The following STK38 variants were observed in gnomAD, a reference collection of about 807,000 sequenced individuals.
STK38 encodes the protein serine/threonine-protein kinase 38.
In STK38, 26 loss-of-function variants were observed where a neutral mutation model predicts 59.0. The ratio of observed to expected loss-of-function variants is 0.44; its 90% CI spans 0.32 to 0.61. The LOEUF (loss-of-function observed/expected upper bound fraction) is 0.61, where lower values mean the gene tolerates loss of function less well. Among genes scored for constraint, STK38 ranks in the 20% least tolerant of loss-of-function variants. The pLI, the probability that STK38 is intolerant of heterozygous loss-of-function variation, is 0.04. For missense variants in STK38, 433 were observed against 566.0 expected (o/e 0.76, Z 2.38); for synonymous variants, 175 against 176.6 (o/e 0.99, Z 0.07).
intron 9 of STK38, among the ~76,000 whole-genome samples, chr6:36,504,730 C>T (rs997021365): frequency 1.3e-5 from 2 of 151,838 alleles, no homozygotes; most frequent in Admixed American, 1.3e-4. Flanking sequence ...TGTGAAATTG[C>T]TTTCCTTATA....
intron 2 of STK38, among the ~76,000 whole-genome samples, chr6:36,534,673 T>G (rs559118855): frequency 1.3e-5 from 2 of 151,900 alleles, no homozygotes; most frequent in Non-Finnish European, 2.9e-5. Context: ...ATAAAAAAAT[T>G]TTTTAACCCA....
At position 36,494,583 on chromosome 6, in the gene STK38, G is replaced by A. The variant is rs1483387794; in HGVS notation, c.*1201C>T. 6.6e-6 allele frequency: 1 copy of A among 152,654 alleles called. No individual in the cohort carries two copies. The highest frequency in any genetic ancestry group is 1.5e-5 in the Non-Finnish European group (1 of 68,036). The allele number at this position is 152,654 out of a possible 1,614,324, so 9.5% of individuals were successfully genotyped here. ...ACGCCACAGCAGAGAGACCCAATCCGCCTAAGTTGCAGGCGACCCTTTAGG... is the reference window on the plus strand; with the variant it reads ...ACGCCACAGCAGAGAGACCCAATCCACCTAAGTTGCAGGCGACCCTTTAGG... On this transcript the variant is annotated 3_prime_UTR_variant, in exon 14 of 14. Transcript: ENST00000229812.
intron 1 of STK38, among the ~76,000 whole-genome samples, chr6:36,543,286 C>T (rs1026903737): frequency 2.6e-5 from 4 of 151,952 alleles, no homozygotes; most frequent in Non-Finnish European, 5.9e-5. Flanking sequence ...AGGATGGTCT[C>T]GATCTCCTGA....
intron 7 of STK38, among the ~76,000 whole-genome samples, chr6:36,510,259 G>A (rs1448996340): frequency 1.3e-5 from 2 of 152,222 alleles, no homozygotes; most frequent in Non-Finnish European, 2.9e-5. Context: ...CATGCTTCTT[G>A]GCACCCAAAG....
chr6:36,514,707 C>T (rs572897293), intron 7 of STK38, among the ~76,000 whole-genome samples: 7 of 151,364 alleles, frequency 4.6e-5, no homozygotes, highest in Admixed American at 2.6e-4. Context: ...TGGGCAGGGG[C>T]GTGGTGGTGC....
intron 7 of STK38, among the ~76,000 whole-genome samples, chr6:36,514,107 AC>A (rs1777185762): frequency 6.7e-6 from 1 of 148,592 alleles, no homozygotes; most frequent in Non-Finnish European, 1.5e-5. Flanking sequence ...GTGAGCCGAG[AC>A]TGCCCTAGTG....
chr6:36,537,887 AC>A lies in STK38; in HGVS notation c.131+2184del, dbSNP rs1777834366. ...GCACACCAGCCTGGGCAACAAAACA[AC>A]ACCCCGTCTCGACAAAAAAAAAAAT... On this transcript the variant is annotated intron_variant, in intron 2 of 13. Coordinates refer to ENST00000229812, the MANE Select transcript of STK38 (RefSeq NM_007271.4). 2.0e-5 allele frequency among the ~76,000 whole-genome samples: 3 copies of A among 151,726 alleles called. No individual in the cohort carries two copies. In the South Asian group the frequency reaches 6.3e-4, roughly 32 times the overall value.
chr6:36,512,338 C>A (rs532068017), intron 7 of STK38, among the ~76,000 whole-genome samples: 2 of 152,092 alleles, frequency 1.3e-5, no homozygotes, highest in African/African-American at 4.8e-5. Context: ...TCAGTTAGAC[C>A]GAATCCTCAA....
chr6:36,514,535 AAG>A (rs759601406), intron 7 of STK38, among the ~76,000 whole-genome samples: 3 of 148,606 alleles, frequency 2.0e-5, no homozygotes, highest in Admixed American at 6.6e-5. Flanking sequence ...CTTTACGGAT[AAG>A]AACAGTGAGA....
chr6:36,542,214 T>G (rs1297785061), intron 1 of STK38, among the ~76,000 whole-genome samples: 1 of 152,168 alleles, frequency 6.6e-6, no homozygotes, highest in African/African-American at 2.4e-5. Flanking sequence ...AAAAGAAAAA[T>G]CTATGATTAA....
rs781582211 is a variant in STK38 at position 36,517,704 on chromosome 6, G to A, written c.514+13C>T. 25 of 1,610,338 alleles carry A rather than the reference G, an allele frequency of 1.6e-5. No homozygotes were observed. The highest frequency in any genetic ancestry group is 4.4e-5 in the South Asian group (4 of 90,696). On this transcript the variant is annotated intron_variant, in intron 6 of 13. Transcript: ENST00000229812. ...CAAAAAGAAAAAATGACCTTTCATC[G>A]TCAAGTAATTACCTCCAGGCAGGAA... is the stretch of plus-strand genomic sequence containing the variant.
At chr6:36,519,118 G>A (rs978268628) in intron 5 of STK38, among the ~76,000 whole-genome samples, 2 of 152,112 alleles carry the variant, frequency 1.3e-5, no homozygotes, top group Non-Finnish European at 2.9e-5. Flanking sequence ...ATGTATTTGA[G>A]TTTTCAGTAT....
intron 1 of STK38, among the ~76,000 whole-genome samples, chr6:36,543,333 G>A (rs987057064): frequency 2.6e-5 from 4 of 152,060 alleles, no homozygotes; most frequent in Non-Finnish European, 5.9e-5. Context: ...CCAAAGTGCT[G>A]GGATTACAGG....
intron 5 of STK38, among the ~76,000 whole-genome samples, chr6:36,520,398 T>C (rs1032293356): frequency 6.6e-6 from 1 of 152,178 alleles, no homozygotes; most frequent in Non-Finnish European, 1.5e-5. Context: ...CTGGTATACA[T>C]AAAATTACTA....
intron 5 of STK38, among the ~76,000 whole-genome samples, chr6:36,521,309 T>C (rs1261230815): frequency 6.6e-6 from 1 of 152,154 alleles, no homozygotes; most frequent in Non-Finnish European, 1.5e-5. Context: ...GAATGAAGCA[T>C]ATAAAGACAC....
At chr6:36,498,612 G>C in intron 10 of STK38, 126 bp from the exon 11 acceptor site, 2 of 1,035,428 alleles carry the variant, frequency 1.9e-6, no homozygotes, top group Non-Finnish European at 2.7e-6. Context: ...TTTTGAGACA[G>C]GGTCTCACTC....
Position 36,529,630 on chromosome 6 carries a change from A to G in STK38, c.132-3988T>C, listed in dbSNP as rs116770432. On this transcript the variant is annotated intron_variant, in intron 2 of 13. Coordinates refer to ENST00000229812, the MANE Select transcript of STK38 (RefSeq NM_007271.4). ...TTAGTTGCGTGTGTGTTCATTTCTT[A>G]TATGAGAGAGTGGTAAGTCCTTCTG... Among the ~76,000 whole-genome samples the G allele has an allele frequency of 3.9e-3, 591 of 152,286 alleles. 4 individuals carry two copies. Among genetic ancestry groups the G allele is most frequent in the African/African-American group, 0.013 (540 of 41,544 alleles).
Position 36,496,627 on chromosome 6 carries a change from T to C in STK38, c.1267+84A>G, listed in dbSNP as rs770312342. On this transcript the variant is annotated intron_variant, in intron 13 of 13. Transcript: ENST00000229812. ...AAATGAAATTCCTCTCCATGTTCAC[T>C]ACCCTGATTTGTAAACATCATCCCA... 136 of 973,796 alleles carry C rather than the reference T, an allele frequency of 1.4e-4. No homozygotes were observed. The highest frequency in any genetic ancestry group is 2.1e-4 in the Non-Finnish European group (129 of 610,858). The allele number at this position is 973,796 out of a possible 1,614,324, so 60.3% of individuals were successfully genotyped here. A position where few individuals can be genotyped will look rare whatever the true frequency, so the allele number is the denominator to read the frequency against.
At chr6:36,513,446 G>A (rs73413267) in intron 7 of STK38, among the ~76,000 whole-genome samples, 40,887 of 150,948 alleles carry the variant, frequency 0.27, 6,299 homozygotes, top group African/African-American at 0.42. Context: ...TCTCAAGTAG[G>A]TGGGACTACA....
Sources: allele counts gnomAD v4.1 joint callset (sites outside exome capture counted in the v4.1 genomes callset), GRCh38; gene constraint gnomAD v4.1.1; transcripts MANE v1.5; gene names NCBI Gene and HGNC (gene_info 2026-07-23, HGNC 2026-07-21).